The following KLHL32 variants were observed in gnomAD, a reference collection of about 807,000 sequenced individuals.
KLHL32 encodes the protein kelch like family member 32, also known as kelch-like protein 32.
Under a neutral mutation model 64.8 loss-of-function variants are expected in KLHL32, and 35 were observed. The ratio of observed to expected loss-of-function variants is 0.54; its 90% CI spans 0.41 to 0.72. KLHL32 has a LOEUF of 0.72. Ranked by LOEUF, KLHL32 falls within the 30% of genes least tolerant of loss-of-function variation. The pLI is 0.00. For synonymous variants in KLHL32, 259 were observed against 281.0 expected, an observed-to-expected ratio of 0.92 and a Z score of 0.78; for missense variants, 589 against 768.5, an observed-to-expected ratio of 0.77 and a Z score of 2.76.
intron 1 of KLHL32, among the ~76,000 whole-genome samples, chr6:96,947,503 C>T (rs954202554): frequency 6.6e-6 from 1 of 152,126 alleles, no homozygotes; most frequent in African/African-American, 2.4e-5. Flanking sequence ...GAAAAGGACA[C>T]TGTGTGATTA....
At chr6:96,908,756 C>G in the KLHL32 span, among the ~76,000 whole-genome samples, 8 of 151,930 alleles carry the variant, frequency 5.3e-5, no homozygotes, top group African/African-American at 1.9e-4. Flanking sequence ...CCTTTACTGC[C>G]CTATCCTCTT....
At chr6:96,959,115 T>G (rs1014486984) in intron 1 of KLHL32, among the ~76,000 whole-genome samples, 2 of 152,114 alleles carry the variant, frequency 1.3e-5, no homozygotes, top group Non-Finnish European at 2.9e-5. Flanking sequence ...TGAGCGCTGA[T>G]TGGAAAATTG....
At chr6:96,957,681 T>A (rs1157098896) in intron 1 of KLHL32, among the ~76,000 whole-genome samples, 1 of 151,990 alleles carries the variant, frequency 6.6e-6, no homozygotes, top group African/African-American at 2.4e-5. Context: ...CATAGAGGAG[T>A]GATGGAGCTA....
chr6:96,982,257 A>T (rs936970087), intron 3 of KLHL32, among the ~76,000 whole-genome samples: 6 of 152,170 alleles, frequency 3.9e-5, no homozygotes, highest in African/African-American at 1.4e-4. Context: ...ATATATGTTT[A>T]GTATAGTTAT....
intron 6 of KLHL32, among the ~76,000 whole-genome samples, chr6:97,111,168 G>A (rs1005900347): frequency 6.6e-6 from 1 of 152,174 alleles, no homozygotes; most frequent in Non-Finnish European, 1.5e-5. Context: ...CCACATGGTG[G>A]CTAAGCCTCC....
At chr6:97,037,138 T>C (rs1784418187) in intron 3 of KLHL32, among the ~76,000 whole-genome samples, 1 of 152,070 alleles carries the variant, frequency 6.6e-6, no homozygotes, top group African/African-American at 2.4e-5. Flanking sequence ...TTTTGAATAT[T>C]ATTTTATTTT....
At chr6:97,129,776 G>A (rs1799239231) in intron 8 of KLHL32, among the ~76,000 whole-genome samples, 1 of 152,104 alleles carries the variant, frequency 6.6e-6, no homozygotes, top group South Asian at 2.1e-4. Context: ...CAGCTACTCG[G>A]GAGGATGAGG....
chr6:97,014,397 A>G (rs1435450989), intron 3 of KLHL32, among the ~76,000 whole-genome samples: 1 of 151,780 alleles, frequency 6.6e-6, no homozygotes, highest in Non-Finnish European at 1.5e-5. Context: ...AAATTGGTAT[A>G]TAGTATGTCT....
chr6:96,962,852 C>A (rs1774024426), intron 1 of KLHL32, among the ~76,000 whole-genome samples: 1 of 152,118 alleles, frequency 6.6e-6, no homozygotes, highest in Non-Finnish European at 1.5e-5. Context: ...GTGCAAACAG[C>A]TTCATTTTGT....
At chr6:96,963,480 AC>A (rs1200174692) in intron 1 of KLHL32, among the ~76,000 whole-genome samples, 2 of 152,186 alleles carry the variant, frequency 1.3e-5, no homozygotes, top group Admixed American at 1.3e-4. Flanking sequence ...CAAAAGGAAA[AC>A]GGTACCCTGT....
intron 8 of KLHL32, among the ~76,000 whole-genome samples, chr6:97,128,185 C>A (rs1012325205): frequency 1.3e-5 from 2 of 152,220 alleles, no homozygotes; most frequent in East Asian, 3.8e-4. Context: ...AACAGGTTGG[C>A]TTTGGCAGTC....
intron 3 of KLHL32, among the ~76,000 whole-genome samples, chr6:96,993,359 G>T (rs1778100333): frequency 6.6e-6 from 1 of 152,174 alleles, no homozygotes; most frequent in Admixed American, 6.5e-5. Flanking sequence ...GTTGGTTGGG[G>T]TGGTAAGGGA....
At chr6:96,968,365 C>T (rs1469969586) in intron 2 of KLHL32, among the ~76,000 whole-genome samples, 1 of 149,332 alleles carries the variant, frequency 6.7e-6, no homozygotes, top group Non-Finnish European at 1.5e-5. Flanking sequence ...CAGCAAAAAA[C>T]AAAAAACAAA....
intron 1 of KLHL32, among the ~76,000 whole-genome samples, chr6:96,948,634 T>C (rs1358391363): frequency 1.3e-5 from 2 of 152,176 alleles, no homozygotes; most frequent in African/African-American, 2.4e-5. Context: ...AGGGTAATAA[T>C]ATCTTGGTTA....
chr6:96,937,552 C>T (rs1193009343), intron 1 of KLHL32, among the ~76,000 whole-genome samples: 2 of 152,174 alleles, frequency 1.3e-5, no homozygotes, highest in African/African-American at 4.8e-5. Flanking sequence ...ACTGCCCTGT[C>T]CCCCTCAGGG....
intron 4 of KLHL32, among the ~76,000 whole-genome samples, chr6:97,046,979 G>A (rs1786028820): frequency 6.6e-6 from 1 of 152,174 alleles, no homozygotes; most frequent in Non-Finnish European, 1.5e-5. Context: ...AGTATGAAAT[G>A]TACGTATTTT....
At chr6:96,965,781 G>A (rs1386192733) in intron 1 of KLHL32, among the ~76,000 whole-genome samples, 1 of 152,042 alleles carries the variant, frequency 6.6e-6, no homozygotes, top group Non-Finnish European at 1.5e-5. Context: ...TCATAATGGA[G>A]CAATTAAAAA....
At chr6:96,910,260 A>G in the KLHL32 span, among the ~76,000 whole-genome samples, 1 of 152,080 alleles carries the variant, frequency 6.6e-6, no homozygotes, top group Non-Finnish European at 1.5e-5. Flanking sequence ...AAAAAGAACA[A>G]GAAAGATTCC....
At position 97,139,353 on chromosome 6, in the gene KLHL32, G is replaced by T; in HGVS notation, c.*71G>T. On this transcript the variant is annotated 3_prime_UTR_variant, in exon 11 of 11. Transcript: ENST00000369261. ...TGGATACTGGGCATGAAAAGACTCA[G>T]TGCTCCATGCTTCCTTGTCTTGCTT... 7.7e-7 allele frequency: 1 copy of T among 1,294,616 alleles called. No homozygotes were observed. The allele number at this position is 1,294,616 out of a possible 1,614,324, so 80.2% of individuals were successfully genotyped here. A position where few individuals can be genotyped will look rare whatever the true frequency, so the allele number is the denominator to read the frequency against.
Sources: gnomAD v4.1 joint callset for allele counts (sites outside exome capture counted in the v4.1 genomes callset) on GRCh38, gnomAD v4.1.1 for gene constraint, MANE v1.5 for transcripts, NCBI Gene and HGNC (gene_info 2026-07-23, HGNC 2026-07-21) for gene names.